NRF1: variants seen among roughly 807,000 people sequenced by gnomAD.
NRF1 encodes the protein alpha palindromic-binding protein.
NRF1 carries 5 observed loss-of-function variants against 58.5 expected under a neutral mutation model. The observed-to-expected ratio is 0.09, with a 90% CI of 0.04 to 0.18. NRF1 has a LOEUF of 0.18. NRF1 is among the 10% of genes least tolerant of loss of function. The pLI, the probability that NRF1 is intolerant of heterozygous loss-of-function variation, is 1.00. For synonymous variants in NRF1, 224 were observed against 246.7 expected (o/e 0.91, Z 0.86); for missense variants, 288 against 657.7 (o/e 0.44, Z 6.15).
At chr7:129,626,337 G>A (rs1277398055) in intron 1 of NRF1, among the ~76,000 whole-genome samples, 1 of 152,178 alleles carries the variant, frequency 6.6e-6, no homozygotes, top group East Asian at 1.9e-4. Context: ...AGTACAGGCT[G>A]CAGTGGCTCC....
intron 5 of NRF1, among the ~76,000 whole-genome samples, chr7:129,704,924 G>A (rs945580644): frequency 2.0e-5 from 3 of 152,092 alleles, no homozygotes; most frequent in South Asian, 2.1e-4. Flanking sequence ...TTTACATTTA[G>A]AGTAGTTTTA....
At chr7:129,646,294 T>A (rs1357645558) in intron 1 of NRF1, among the ~76,000 whole-genome samples, 1 of 152,218 alleles carries the variant, frequency 6.6e-6, no homozygotes, top group Non-Finnish European at 1.5e-5. Flanking sequence ...GGTATGAGAA[T>A]CCCGGATTGC....
chr7:129,618,254 G>A (rs1276714618), intron 1 of NRF1, among the ~76,000 whole-genome samples: 1 of 152,174 alleles, frequency 6.6e-6, no homozygotes, highest in African/African-American at 2.4e-5. Flanking sequence ...CAGAATTTGA[G>A]GAGGAAGGTA....
intron 2 of NRF1, among the ~76,000 whole-genome samples, chr7:129,659,941 G>T (rs959234575): frequency 6.6e-6 from 1 of 152,104 alleles, no homozygotes; most frequent in Non-Finnish European, 1.5e-5. Flanking sequence ...TTTTCATGCT[G>T]CTGATAAGAG....
chr7:129,641,030 C>A (rs994644492), intron 1 of NRF1, among the ~76,000 whole-genome samples: 4 of 152,010 alleles, frequency 2.6e-5, no homozygotes, highest in African/African-American at 9.7e-5. Flanking sequence ...TGATGAATAA[C>A]CATAAGCCTC....
intron 2 of NRF1, among the ~76,000 whole-genome samples, chr7:129,662,962 A>T (rs976714076): frequency 1.3e-5 from 2 of 152,194 alleles, no homozygotes; most frequent in African/African-American, 4.8e-5. Context: ...ATGACTCTTA[A>T]CGAGCATGCT....
At chr7:129,719,170 T>C (rs1405468511) in intron 9 of NRF1, among the ~76,000 whole-genome samples, 1 of 151,900 alleles carries the variant, frequency 6.6e-6, no homozygotes, top group East Asian at 1.9e-4. Flanking sequence ...TTCACTCTTG[T>C]TGCCTAGGCT....
chr7:129,686,500 ACTT>A (rs1376766688), intron 4 of NRF1, among the ~76,000 whole-genome samples: 1 of 152,232 alleles, frequency 6.6e-6, no homozygotes, highest in East Asian at 1.9e-4. Flanking sequence ...TTTTGGCTAC[ACTT>A]CTTACTAGTT....
In NRF1 at chr7:129,690,557, G is replaced by A. The variant is rs760886799; in HGVS notation, c.606+11G>A. ...GACAAAATGACCCAGGTGAGGGGTG[G>A]GAGGTGAGGAGGAGACTCAAAGACA... On this transcript the variant is annotated intron_variant, in intron 5 of 10. Transcript: ENST00000393232. 5.6e-6 allele frequency: 9 copies of A among 1,613,962 alleles called. No homozygotes were observed. In the East Asian group the frequency reaches 2.0e-4, roughly 36 times the overall value.
At chr7:129,672,452 A>G (rs1012647189) in intron 3 of NRF1, among the ~76,000 whole-genome samples, 1 of 152,128 alleles carries the variant, frequency 6.6e-6, no homozygotes, top group African/African-American at 2.4e-5. Flanking sequence ...TTTTTAAAGA[A>G]TCACTCAGGC....
intron 1 of NRF1, among the ~76,000 whole-genome samples, chr7:129,622,230 A>G (rs951629270): frequency 2.0e-5 from 3 of 152,232 alleles, no homozygotes; most frequent in African/African-American, 7.2e-5. Flanking sequence ...ATTAGCGTTT[A>G]CGAGCAGAAA....
chr7:129,624,422 C>T (rs375979648), intron 1 of NRF1, among the ~76,000 whole-genome samples: 16 of 152,190 alleles, frequency 1.1e-4, no homozygotes, highest in East Asian at 3.9e-4. Context: ...AGAAACCTGG[C>T]GAAACTCATT....
At chr7:129,669,050 C>T (rs1290982821) in intron 2 of NRF1, among the ~76,000 whole-genome samples, 5 of 152,086 alleles carry the variant, frequency 3.3e-5, no homozygotes, top group African/African-American at 9.7e-5. Context: ...CAGATTCAAG[C>T]GATTTTCCTG....
intron 5 of NRF1, among the ~76,000 whole-genome samples, chr7:129,697,193 C>CT (rs35408273): frequency 0.29 from 43,928 of 150,442 alleles, 7,926 homozygotes; most frequent in Non-Finnish European, 0.42. Context: ...ACACAGGTGG[C>CT]TTTTTTTTTC....
chr7:129,682,397 G>A (rs1298586026), intron 4 of NRF1, among the ~76,000 whole-genome samples: 4 of 151,148 alleles, frequency 2.6e-5, no homozygotes, highest in African/African-American at 9.7e-5. Context: ...GGTCAAGTCT[G>A]CAGTGAGCTG....
intron 2 of NRF1, among the ~76,000 whole-genome samples, chr7:129,669,883 T>C (rs1276121871): frequency 6.6e-6 from 1 of 152,162 alleles, no homozygotes; most frequent in East Asian, 1.9e-4. Flanking sequence ...CAAAGAGATA[T>C]CCACACTCCC....
chr7:129,736,364 C>G (rs1244910533), intron 10 of NRF1, among the ~76,000 whole-genome samples: 2 of 150,642 alleles, frequency 1.3e-5, no homozygotes, highest in African/African-American at 2.5e-5. Context: ...TCACTGCAAC[C>G]TCCACCTCCT....
intron 9 of NRF1, 130 bp from the exon 10 acceptor site, chr7:129,727,111 A>T: frequency 1.2e-6 from 1 of 865,576 alleles, no homozygotes; most frequent in Non-Finnish European, 1.6e-6. Context: ...CTGTTATCAC[A>T]TATTTGCTGG....
intron 10 of NRF1, among the ~76,000 whole-genome samples, chr7:129,739,107 C>G (rs1443347863): frequency 6.6e-6 from 1 of 152,104 alleles, no homozygotes; most frequent in South Asian, 2.1e-4. Flanking sequence ...AACATGATAC[C>G]AAAACCTAAC....
Sources: gnomAD v4.1 joint callset for allele counts (sites outside exome capture counted in the v4.1 genomes callset) on GRCh38, gnomAD v4.1.1 for gene constraint, MANE v1.5 for transcripts, NCBI Gene and HGNC (gene_info 2026-07-23, HGNC 2026-07-21) for gene names.